Variants in GRAMD1B observed in about 807,000 individuals in gnomAD.
The protein encoded by GRAMD1B is GRAM domain containing 1B.
Under a neutral mutation model 99.7 loss-of-function variants are expected in GRAMD1B, and 37 were observed. The observed-to-expected ratio is 0.37, with a 90% CI of 0.29 to 0.49. The LOEUF (loss-of-function observed/expected upper bound fraction) is 0.49, where lower values mean the gene tolerates loss of function less well. Among genes scored for constraint, GRAMD1B ranks in the 20% least tolerant of loss-of-function variants. The pLI, the probability that GRAMD1B is intolerant of heterozygous loss-of-function variation, is 0.98. For synonymous variants in GRAMD1B, 427 were observed against 387.6 expected (o/e 1.10, Z -1.19); for missense variants, 888 against 1,009.2 (o/e 0.88, Z 1.63).
At chr11:123,403,316 A>G (rs1383231126) in intron 1 of GRAMD1B, among the ~76,000 whole-genome samples, 1 of 151,566 alleles carries the variant, frequency 6.6e-6, no homozygotes, top group Non-Finnish European at 1.5e-5. Flanking sequence ...AGTCCCAGCT[A>G]CTCAGGAGGC....
chr11:123,603,681 G>A, intron 9 of GRAMD1B, 140 bp downstream of exon 9: 1 of 666,588 alleles, frequency 1.5e-6, no homozygotes, highest in Non-Finnish European at 2.7e-6. Context: ...GTGGTCACAG[G>A]TGAGGTCAGG....
chr11:123,464,354 A>G (rs1323805322), intron 1 of GRAMD1B, among the ~76,000 whole-genome samples: 1 of 152,188 alleles, frequency 6.6e-6, no homozygotes, highest in East Asian at 1.9e-4. Context: ...TAGGCACATT[A>G]GCATGCTGGG....
chr11:123,560,656 AGTGCTAACTC>A (rs1217738445), intron 2 of GRAMD1B: 2 of 457,002 alleles, frequency 4.4e-6, no homozygotes, highest in African/African-American at 4.1e-5. Flanking sequence ...CTTCCAGGTT[AGTGCTAACTC>A]GTGCTGACGC....
At chr11:123,589,732 G>A (rs1035104021) in intron 4 of GRAMD1B, among the ~76,000 whole-genome samples, 2 of 151,730 alleles carry the variant, frequency 1.3e-5, no homozygotes, top group Non-Finnish European at 2.9e-5. Flanking sequence ...AAAGTGCTGG[G>A]ATTACAAGCA....
intron 1 of GRAMD1B, among the ~76,000 whole-genome samples, chr11:123,455,099 A>G (rs949547723): frequency 2.0e-5 from 3 of 152,222 alleles, no homozygotes; most frequent in Non-Finnish European, 4.4e-5. Flanking sequence ...TGTAAGATGT[A>G]TAAGAGCCCT....
At chr11:123,424,620 T>G (rs918216605) in intron 1 of GRAMD1B, among the ~76,000 whole-genome samples, 1 of 152,244 alleles carries the variant, frequency 6.6e-6, no homozygotes, top group Admixed American at 6.5e-5. Context: ...CACTCCTCAA[T>G]GCTTTTATTC....
In GRAMD1B at chr11:123,510,489, T is replaced by C. The variant is rs1044457606; in HGVS notation, c.452+29596T>C. On this transcript the variant is annotated intron_variant, in intron 2 of 19. Transcript: ENST00000635736. This position sits in a 1 kb window ranked among gnomAD's most constrained non-coding sequence, Gnocchi z 4.3. The stretch of plus-strand genomic sequence containing the variant: ...AGGGCCCCCCTGCTTGCTGTGGACC[T>C]CCAGACTCTGACCTCTTACCCAGAA... Among the ~76,000 whole-genome samples, 1 of 152,096 alleles carries C rather than the reference T, an allele frequency of 6.6e-6. No homozygotes were observed. Among genetic ancestry groups the C allele is most frequent in the Non-Finnish European group, 1.5e-5 (1 of 68,016 alleles).
intron 2 of GRAMD1B, 22 bp downstream of exon 2, chr11:123,480,915 G>A (rs1321476100): frequency 1.0e-5 from 4 of 398,670 alleles, no homozygotes; most frequent in Admixed American, 4.4e-5. Flanking sequence ...CTCCGAGGGC[G>A]AGATGGGGGC....
At chr11:123,535,290 G>A (rs1943848751) in intron 2 of GRAMD1B, among the ~76,000 whole-genome samples, 2 of 144,874 alleles carry the variant, frequency 1.4e-5, no homozygotes, top group South Asian at 2.2e-4. Context: ...CAGGAAAGAT[G>A]TTTTTTTTTT....
chr11:123,580,933 G>A (rs1456426514), intron 3 of GRAMD1B, among the ~76,000 whole-genome samples: 1 of 150,680 alleles, frequency 6.6e-6, no homozygotes, highest in African/African-American at 2.5e-5. Flanking sequence ...AATTTTTGTG[G>A]TTTTCTTTCC....
chr11:123,406,957 C>A (rs1947876211), intron 1 of GRAMD1B, among the ~76,000 whole-genome samples: 1 of 152,198 alleles, frequency 6.6e-6, no homozygotes. Flanking sequence ...CATGCAGATC[C>A]CTGCACCTGT....
At chr11:123,609,750 GCTCT>G in intron 12 of GRAMD1B, 41 bp from the exon 13 acceptor site, 1 of 1,110,268 alleles carries the variant, frequency 9.0e-7, no homozygotes, top group East Asian at 2.6e-5. Context: ...TGGGGAGAGG[GCTCT>G]GCCCTCCCTT....
intron 2 of GRAMD1B, among the ~76,000 whole-genome samples, chr11:123,527,648 C>A (rs946398101): frequency 6.6e-6 from 1 of 152,168 alleles, no homozygotes; most frequent in Non-Finnish European, 1.5e-5. Context: ...AAAGCTCTTC[C>A]TTATTCCTCA....
intron 1 of GRAMD1B, among the ~76,000 whole-genome samples, chr11:123,364,965 A>G (rs1345501753): frequency 1.3e-5 from 2 of 152,254 alleles, no homozygotes; most frequent in African/African-American, 4.8e-5. Context: ...GCCGATAAAA[A>G]AAATCACCTT....
At chr11:123,529,662 G>T (rs761006265) in intron 2 of GRAMD1B, among the ~76,000 whole-genome samples, 3 of 152,162 alleles carry the variant, frequency 2.0e-5, no homozygotes, top group South Asian at 2.1e-4. Flanking sequence ...CAAGAAATTG[G>T]TTTTTTAAAG....
At chr11:123,371,506 C>T (rs1946528753) in intron 1 of GRAMD1B, among the ~76,000 whole-genome samples, 1 of 152,170 alleles carries the variant, frequency 6.6e-6, no homozygotes, top group Non-Finnish European at 1.5e-5. Flanking sequence ...AGGACAGTTC[C>T]TATCTCTCAC....
chr11:123,456,792 C>T (rs1229660381), intron 1 of GRAMD1B, among the ~76,000 whole-genome samples: 1 of 151,446 alleles, frequency 6.6e-6, no homozygotes, highest in Admixed American at 6.6e-5. Flanking sequence ...TGGTGGTGCA[C>T]ACCTGTAGTC....
intron 4 of GRAMD1B, among the ~76,000 whole-genome samples, chr11:123,590,912 T>G (rs1466706036): frequency 6.6e-6 from 1 of 152,178 alleles, no homozygotes; most frequent in Non-Finnish European, 1.5e-5. Flanking sequence ...CTGGCGGGGT[T>G]AGACCCTGGA....
chr11:123,415,258 A>G (rs1948196902), intron 1 of GRAMD1B, among the ~76,000 whole-genome samples: 1 of 151,604 alleles, frequency 6.6e-6, no homozygotes, highest in African/African-American at 2.4e-5. Flanking sequence ...GTGCACCACC[A>G]CACCCAGCTA....
Sources: allele counts gnomAD v4.1 joint callset (sites outside exome capture counted in the v4.1 genomes callset), GRCh38; gene constraint gnomAD v4.1.1; non-coding constraint Gnocchi (gnomAD v3.1); transcripts MANE v1.5; gene names NCBI Gene and HGNC (gene_info 2026-07-23, HGNC 2026-07-21).